REPS1: variants seen among roughly 807,000 people sequenced by gnomAD.
REPS1 encodes the protein ralBP1-associated Eps domain-containing protein 1.
REPS1 carries 39 observed loss-of-function variants against 100.9 expected under a neutral mutation model. The observed-to-expected ratio is 0.39, with a 90% confidence interval of 0.30 to 0.50. The LOEUF (loss-of-function observed/expected upper bound fraction) is 0.50. REPS1 is among the 20% of genes least tolerant of loss of function. The probability of loss-of-function intolerance (pLI) is 0.86; values close to 1 mark genes in which losing one functional copy is unlikely to be tolerated. For missense variants in REPS1, 821 were observed against 968.5 expected, an observed-to-expected ratio of 0.85 and a Z score of 2.02; for synonymous variants, 324 against 340.3, an observed-to-expected ratio of 0.95 and a Z score of 0.53.
At position 138,916,218 on chromosome 6, in the gene REPS1, C is replaced by CTTT. The variant is rs10582137; in HGVS notation, c.1602-245_1602-243dup. Reference sequence around the variant, plus strand: ...GTTATTAAGCAAAATTTCTTTTTTTCTTTTTTTTTTTTTTTTTTTTTTGAG... The same window carrying CTTT: ...GTTATTAAGCAAAATTTCTTTTTTTCTTTTTTTTTTTTTTTTTTTTTTTTTGAG... On this transcript the variant is annotated intron_variant, in intron 13 of 19. Transcript: ENST00000450536. The CTTT allele has an allele frequency of 5.5e-3, 1,143 of 207,132 alleles. 14 individuals carry two copies. The highest frequency in any genetic ancestry group is 7.4e-3 in the Non-Finnish European group (842 of 114,292). 12.8% of individuals were successfully genotyped at this position (207,132 alleles called of 1,614,324 possible).
At chr6:138,962,766 A>T (rs916696601) in intron 1 of REPS1, among the ~76,000 whole-genome samples, 1 of 152,168 alleles carries the variant, frequency 6.6e-6, no homozygotes, top group African/African-American at 2.4e-5. Context: ...TATGTCTCCC[A>T]AAAGAATGAG....
At chr6:138,935,682 C>A (rs947603924) in intron 8 of REPS1, among the ~76,000 whole-genome samples, 1 of 151,832 alleles carries the variant, frequency 6.6e-6, no homozygotes, top group Non-Finnish European at 1.5e-5. Flanking sequence ...GGTGAAACCC[C>A]GTCTCTACTA....
chr6:138,944,551 CA>C lies in REPS1; in HGVS notation c.699del (p.Phe233LeufsTer11), dbSNP rs760922091. 1 of 1,613,938 alleles carries C rather than the reference CA, an allele frequency of 6.2e-7. No homozygotes were observed. Among genetic ancestry groups the C allele is most frequent in the Non-Finnish European group, 8.5e-7 (1 of 1,179,834 alleles). On this transcript the variant is annotated frameshift_variant, in exon 5 of 20. Coordinates refer to ENST00000450536, the MANE Select transcript of REPS1 (RefSeq NM_001286611.2). LOFTEE classifies it high-confidence loss of function. The part of the protein sequence containing the change: ...PPPPQENWVS[F>X]ADTPPTSTLL... ...AGAGTACTGGTTGGTGGAGTATCTG[CA>C]AAACTGACCCAGTTTTCTTGAGGTG... is the stretch of plus-strand genomic sequence containing the variant.
chr6:138,941,360 T>C lies in REPS1; in HGVS notation c.1110A>G (p.Lys370=). ...PEKLPESLMP[K]LIDLEDSADV... Reference sequence around the variant, plus strand: ...CTGCTGAATCTTCCAAATCAATCAGTTTGGGCATTAAGCTTTCAGGAAGTT... The same window carrying C: ...CTGCTGAATCTTCCAAATCAATCAGCTTGGGCATTAAGCTTTCAGGAAGTT... The change falls in exon 8 of 20, where the codon AAA becomes AAG. Residue 370 remains lysine (K), a synonymous_variant. Coordinates refer to ENST00000450536, the MANE Select transcript of REPS1 (RefSeq NM_001286611.2). The C allele has an allele frequency of 6.2e-7, 1 of 1,614,072 alleles. No homozygotes were observed. The highest frequency in any genetic ancestry group is 8.5e-7 in the Non-Finnish European group (1 of 1,179,984).
In REPS1 at chr6:138,911,338, G is replaced by A. The variant is rs1436402525; in HGVS notation, c.2005C>T (p.Arg669Ter). The A allele has an allele frequency of 6.2e-7, 1 of 1,613,434 alleles. No individual in the cohort carries two copies. The highest frequency in any genetic ancestry group is 8.5e-7 in the Non-Finnish European group (1 of 1,179,586). ...GTTTTACTATCTGTTTTGGCAACTC[G>A]AAGAGAACTTGCAGGATCAGAAGCT... ...EKASDPASSL[R>*]VAKTDSKTEE... The change falls in exon 17 of 20, where the codon CGA (arginine) becomes TGA (stop). Residue 669 changes from arginine to a stop codon, truncating the protein, a stop_gained. Transcript: ENST00000450536. LOFTEE classifies it high-confidence loss of function.
intron 5 of REPS1, 55 bp downstream of exon 5, chr6:138,944,441 CTG>C: frequency 6.5e-7 from 1 of 1,549,904 alleles, no homozygotes. Context: ...AAAACAACGA[CTG>C]GAGCAATACT....
intron 17 of REPS1, among the ~76,000 whole-genome samples, chr6:138,909,496 T>G (rs1779870339): frequency 6.6e-6 from 1 of 152,174 alleles, no homozygotes; most frequent in African/African-American, 2.4e-5. Context: ...ACTTAAAAAC[T>G]CACAGGACTA....
chr6:138,947,546 C>A (rs1340592172), intron 2 of REPS1, among the ~76,000 whole-genome samples: 1 of 152,102 alleles, frequency 6.6e-6, no homozygotes, highest in Non-Finnish European at 1.5e-5. Context: ...AAAAAATTGC[C>A]ATTTGAACAG....
At chr6:138,944,057 A>G (rs1410096909) in intron 5 of REPS1, 42 bp from the exon 6 acceptor site, 3 of 1,566,130 alleles carry the variant, frequency 1.9e-6, no homozygotes, top group African/African-American at 2.7e-5. Context: ...ATCTACCTAC[A>G]TGATTATATG....
At chr6:138,936,379 T>A (rs1781838604) in intron 8 of REPS1, among the ~76,000 whole-genome samples, 1 of 152,074 alleles carries the variant, frequency 6.6e-6, no homozygotes. Context: ...CTCCTACTAT[T>A]GCTATCACCC....
chr6:138,963,851 C>A (rs1045308846), intron 1 of REPS1, among the ~76,000 whole-genome samples: 3 of 152,162 alleles, frequency 2.0e-5, no homozygotes, highest in South Asian at 2.1e-4. Flanking sequence ...ATACTTAGCA[C>A]AATCCAACAA....
At chr6:138,914,491 A>G (rs528353538) in intron 15 of REPS1, among the ~76,000 whole-genome samples, 1 of 152,258 alleles carries the variant, frequency 6.6e-6, no homozygotes, top group Admixed American at 6.5e-5. Flanking sequence ...CATTTGTTTC[A>G]CTTTTAAGGC....
intron 1 of REPS1, among the ~76,000 whole-genome samples, chr6:138,962,304 C>T (rs1414083235): frequency 6.6e-6 from 1 of 152,006 alleles, no homozygotes; most frequent in Non-Finnish European, 1.5e-5. Flanking sequence ...TATTAACCTC[C>T]CTTCCCAATG....
At chr6:138,952,972 G>C (rs1783135992) in intron 1 of REPS1, among the ~76,000 whole-genome samples, 1 of 151,750 alleles carries the variant, frequency 6.6e-6, no homozygotes, top group Non-Finnish European at 1.5e-5. Flanking sequence ...CAAGTAGCTG[G>C]GATTACAGGC....
intron 10 of REPS1, among the ~76,000 whole-genome samples, chr6:138,923,918 T>C (rs536751218): frequency 8.3e-4 from 124 of 149,130 alleles, no homozygotes; most frequent in Non-Finnish European, 1.5e-3. Context: ...AAGAGTAGAG[T>C]TTTTCCCCCC....
At chr6:138,918,893 G>C (rs1355104365) in intron 12 of REPS1, among the ~76,000 whole-genome samples, 2 of 152,116 alleles carry the variant, frequency 1.3e-5, no homozygotes, top group African/African-American at 2.4e-5. Context: ...ACAATCTGAA[G>C]GAATATTACT....
chr6:138,939,786 T>C (rs1479496134), intron 8 of REPS1, among the ~76,000 whole-genome samples: 1 of 152,210 alleles, frequency 6.6e-6, no homozygotes, highest in Non-Finnish European at 1.5e-5. Context: ...AGTAGGTAAA[T>C]TAAAGTACTT....
intron 1 of REPS1, among the ~76,000 whole-genome samples, chr6:138,963,645 A>G (rs1157178830): frequency 6.6e-6 from 1 of 152,204 alleles, no homozygotes; most frequent in East Asian, 1.9e-4. Flanking sequence ...ACACCTTTAC[A>G]TCATCTTCAG....
intron 7 of REPS1, 129 bp from the exon 8 acceptor site, chr6:138,941,618 C>T: frequency 1.2e-6 from 1 of 855,382 alleles, no homozygotes; most frequent in South Asian, 1.7e-5. Flanking sequence ...ATCCCATACA[C>T]AGAAAGATGT....
Sources: allele counts gnomAD v4.1 joint callset (sites outside exome capture counted in the v4.1 genomes callset), GRCh38; gene constraint gnomAD v4.1.1; transcripts MANE v1.5; gene names NCBI Gene and HGNC (gene_info 2026-07-23, HGNC 2026-07-21).